KAZN: variants seen among roughly 807,000 people sequenced by gnomAD.
KAZN encodes the protein kazrin, periplakin interacting protein.
Under a neutral mutation model 87.4 loss-of-function variants are expected in KAZN, and 40 were observed. That is an observed-to-expected ratio of 0.46 (90% CI 0.36 to 0.60). KAZN has a LOEUF of 0.60. Ranked by LOEUF, KAZN falls within the 20% of genes least tolerant of loss-of-function variation. The pLI is 0.00. For missense variants in KAZN, 898 were observed against 1,073.9 expected, an observed-to-expected ratio of 0.84 and a Z score of 2.29; for synonymous variants, 466 against 458.3, an observed-to-expected ratio of 1.02 and a Z score of -0.22.
At chr1:14,598,524 C>T (rs1676661227), upstream of KAZN, among the ~76,000 whole-genome samples, 1 of 152,114 alleles carries the variant, frequency 6.6e-6, no homozygotes, top group Non-Finnish European at 1.5e-5. The surrounding 1 kb of genome is among the most constrained non-coding windows in gnomAD (Gnocchi z 4.2). Context: ...TTGGCCCCCT[C>T]CCGACTGCCG....
rs182918184 is a variant in KAZN, at chr1:14,374,307, A to C, written c.249+193715A>C. Among the ~76,000 whole-genome samples the C allele has an allele frequency of 7.7e-4, 118 of 152,304 alleles. 1 individual carries two copies. Among genetic ancestry groups the C allele is most frequent in the Middle Eastern group, 6.8e-3 (2 of 294 alleles). Reference sequence around the variant, plus strand: ...AGAGGCAGGAGAGAGCTAATCTCACAATGATCATCAGGCAACCCAAATCCT... The same window carrying C: ...AGAGGCAGGAGAGAGCTAATCTCACCATGATCATCAGGCAACCCAAATCCT... On this transcript the variant is annotated intron_variant, in intron 2 of 16. Coordinates refer to the KAZN transcript ENST00000636203.
chr1:14,091,952 A>G (rs1353493649), intron 1 of KAZN, among the ~76,000 whole-genome samples: 1 of 152,162 alleles, frequency 6.6e-6, no homozygotes, highest in East Asian at 1.9e-4. Context: ...TAAAAGGGCC[A>G]TGGACACACA....
intron 1 of KAZN, among the ~76,000 whole-genome samples, chr1:14,112,872 T>C (rs1350631952): frequency 6.6e-6 from 1 of 152,198 alleles, no homozygotes; most frequent in Non-Finnish European, 1.5e-5. Flanking sequence ...TCCAGCCCTG[T>C]GCCTAGCACA....
rs78506694 is a variant in KAZN, at chr1:14,906,523, G to A, written c.227-54161G>A. Among the ~76,000 whole-genome samples, 522 of 152,070 alleles carry A rather than the reference G, an allele frequency of 3.4e-3. 1 individual carries two copies. The highest frequency in any genetic ancestry group is 0.012 in the African/African-American group (507 of 41,466). ...TTGGGGACGCAGCCTCATGCGGAGCGAGTTCACTGTAAAGTTTATTTTACT... is the reference window on the plus strand; with the variant it reads ...TTGGGGACGCAGCCTCATGCGGAGCAAGTTCACTGTAAAGTTTATTTTACT... On this transcript the variant is annotated intron_variant, in intron 1 of 14. Transcript: ENST00000376030.
At chr1:15,100,460 AG>A (rs1641009162) in intron 10 of KAZN, among the ~76,000 whole-genome samples, 1 of 152,120 alleles carries the variant, frequency 6.6e-6, no homozygotes, top group African/African-American at 2.4e-5. Context: ...CACTTAGACC[AG>A]CGCTCTCCCA....
chr1:14,818,227 A>T (rs547578014), intron 1 of KAZN, among the ~76,000 whole-genome samples: 1 of 152,214 alleles, frequency 6.6e-6, no homozygotes, highest in Non-Finnish European at 1.5e-5. Flanking sequence ...CCACTGGAAG[A>T]TTTTCTGTCT....
chr1:14,036,823 A>C (rs1300764352), intron 1 of KAZN, among the ~76,000 whole-genome samples: 1 of 151,978 alleles, frequency 6.6e-6, no homozygotes, highest in African/African-American at 2.4e-5. Flanking sequence ...TCTGTCGCCC[A>C]GGCTGGAGTG....
At chr1:14,187,836 G>A (rs749419759) in intron 2 of KAZN, among the ~76,000 whole-genome samples, 41 of 152,218 alleles carry the variant, frequency 2.7e-4, no homozygotes, top group Middle Eastern at 6.8e-3. Context: ...TTTTGATTTC[G>A]GAATTCTTTT....
chr1:14,338,599 A>G, intron 2 of KAZN, among the ~76,000 whole-genome samples: 1 of 131,584 alleles, frequency 7.6e-6, no homozygotes, highest in Non-Finnish European at 1.6e-5. Context: ...AATAAAAGAG[A>G]GGCGATGGAA....
At chr1:14,504,847 G>A (rs1670466519) in intron 2 of KAZN, among the ~76,000 whole-genome samples, 1 of 152,188 alleles carries the variant, frequency 6.6e-6, no homozygotes, top group Non-Finnish European at 1.5e-5. Flanking sequence ...CAAATTAAAG[G>A]TTTTAAGTTC....
chr1:14,419,673 C>T (rs777339250), intron 2 of KAZN, among the ~76,000 whole-genome samples: 42 of 152,294 alleles, frequency 2.8e-4, no homozygotes, highest in Non-Finnish European at 5.7e-4. Context: ...TTCCTTCCTT[C>T]TGGTGGGTTT....
chr1:15,052,334 G>A (rs1190354243), intron 4 of KAZN, among the ~76,000 whole-genome samples: 1 of 152,172 alleles, frequency 6.6e-6, no homozygotes, highest in African/African-American at 2.4e-5. Context: ...GCAGGCGAGA[G>A]AGCATGTGCA....
chr1:14,989,007 C>T (rs145369165), intron 2 of KAZN, among the ~76,000 whole-genome samples: 1 of 152,228 alleles, frequency 6.6e-6, no homozygotes, highest in Non-Finnish European at 1.5e-5. Context: ...CCACCTTCAA[C>T]AGCTACCTAT....
intron 1 of KAZN, among the ~76,000 whole-genome samples, chr1:14,759,594 G>C (rs1644676580): frequency 6.6e-6 from 1 of 152,124 alleles, no homozygotes; most frequent in African/African-American, 2.4e-5. Context: ...AGAGAGTGTG[G>C]CCAGCGTACC....
intron 8 of KAZN, among the ~76,000 whole-genome samples, chr1:15,085,766 TAG>T (rs1640223666): frequency 6.6e-6 from 1 of 152,082 alleles, no homozygotes; most frequent in African/African-American, 2.4e-5. Flanking sequence ...AAAATAGAAT[TAG>T]AAAGTCCAAC....
chr1:14,504,502 G>A (rs1197817839), intron 2 of KAZN, among the ~76,000 whole-genome samples: 1 of 152,204 alleles, frequency 6.6e-6, no homozygotes, highest in Non-Finnish European at 1.5e-5. Flanking sequence ...AAACTGAATT[G>A]CAGAAAGGAA....
intron 2 of KAZN, among the ~76,000 whole-genome samples, chr1:15,004,593 T>C (rs1668816498): frequency 6.6e-6 from 1 of 152,216 alleles, no homozygotes; most frequent in Non-Finnish European, 1.5e-5. Flanking sequence ...GGGCCAGGCA[T>C]GTAGCCGGAG....
intron 1 of KAZN, among the ~76,000 whole-genome samples, chr1:14,792,362 T>C (rs1572493317): frequency 6.6e-6 from 1 of 151,836 alleles, no homozygotes; most frequent in South Asian, 2.1e-4. Context: ...CTAAACAAGG[T>C]GTGGTCAATC....
chr1:14,932,288 G>T (rs1659927967), intron 1 of KAZN, among the ~76,000 whole-genome samples: 1 of 152,144 alleles, frequency 6.6e-6, no homozygotes, highest in African/African-American at 2.4e-5. Context: ...TTCATTGTCG[G>T]GCGTGATGCC....
Sources: allele counts gnomAD v4.1 joint callset (sites outside exome capture counted in the v4.1 genomes callset), GRCh38; gene constraint gnomAD v4.1.1; non-coding constraint Gnocchi (gnomAD v3.1); transcripts MANE v1.5; gene names NCBI Gene and HGNC (gene_info 2026-07-23, HGNC 2026-07-21).